Variants in NT5C1B observed in about 807,000 individuals in gnomAD.
NT5C1B encodes cytosolic 5'-nucleotidase 1B.
NT5C1B carries 44 observed loss-of-function variants against 57.8 expected under a neutral mutation model. The observed-to-expected ratio is 0.76, with a 90% CI of 0.60 to 0.98. NT5C1B has a LOEUF of 0.98. Among genes scored for constraint, NT5C1B ranks in the 50% least tolerant of loss-of-function variants. The pLI, the probability that NT5C1B is intolerant of heterozygous loss-of-function variation, is 0.00. For synonymous variants in NT5C1B, 284 were observed against 282.6 expected (o/e 1.00, Z -0.05); for missense variants, 742 against 719.5 (o/e 1.03, Z -0.36).
At position 18,584,911 on chromosome 2, in the gene NT5C1B, G is replaced by A. The variant is rs1399070348; in HGVS notation, c.326C>T (p.Pro109Leu). 1 of 1,553,366 alleles carries A rather than the reference G, an allele frequency of 6.4e-7. No homozygotes were observed. Among genetic ancestry groups the A allele is most frequent in the Non-Finnish European group, 8.6e-7 (1 of 1,156,190 alleles). Reference sequence around the variant, plus strand: ...GAGCGAGGGCTGCCCGGACAGCGGCGGCGGTGAGGAGTCATGCAGGCTTGG... The same window carrying A: ...GAGCGAGGGCTGCCCGGACAGCGGCAGCGGTGAGGAGTCATGCAGGCTTGG... The change falls in exon 4 of 9, where the codon CCG (proline) becomes CTG (leucine). Residue 109 changes from proline (P) to leucine (L), a missense_variant. By Grantham distance (98) the Pro-to-Leu change is moderately conservative. Coordinates refer to ENST00000304081, the Ensembl canonical transcript of NT5C1B. The surrounding 1 kb of genome is among the most constrained non-coding windows in gnomAD (Gnocchi z 5.8).
rs749864185 is a variant in NT5C1B at position 18,563,641 on chromosome 2, C to G, written c.*155G>C. 1.1e-3 allele frequency: 853 copies of G among 764,756 alleles called. 2 individuals carry two copies. The highest frequency in any genetic ancestry group is 1.5e-3 in the Non-Finnish European group (776 of 513,744). The allele number at this position is 764,756 out of a possible 1,614,324, so 47.4% of individuals were successfully genotyped here. ...GTAGTTTGATGGTAACTTGAGGGTT[C>G]AAAAGGTTTTCCAAAAAATCAGGAG... On this transcript the variant is annotated 3_prime_UTR_variant, in exon 9 of 9. Coordinates refer to ENST00000304081, the Ensembl canonical transcript of NT5C1B.
intron 8 of NT5C1B, among the ~76,000 whole-genome samples, chr2:18,573,459 C>T (rs1216555780): frequency 6.6e-6 from 1 of 152,006 alleles, no homozygotes; most frequent in Non-Finnish European, 1.5e-5. Context: ...CACACACACA[C>T]ACACAAACAT....
chr2:18,563,932 G>C, exon 9 of NT5C1B: 1 of 1,614,200 alleles, frequency 6.2e-7, no homozygotes, highest in Non-Finnish European at 8.5e-7. Context: ...GGGGGCTCCA[G>C]CAAGGAAAAG....
intron 6 of NT5C1B, among the ~76,000 whole-genome samples, chr2:18,577,110 T>C (rs137974681): frequency 2.2e-4 from 34 of 152,296 alleles, no homozygotes; most frequent in Non-Finnish European, 4.0e-4. Flanking sequence ...GTAATAGTGG[T>C]TGTATTTGGT....
chr2:18,571,799 C>T (rs1303753700), intron 8 of NT5C1B, among the ~76,000 whole-genome samples: 4 of 142,204 alleles, frequency 2.8e-5, no homozygotes, highest in Non-Finnish European at 6.1e-5. Flanking sequence ...ATTCACACCA[C>T]CTGGGCCTAA....
intron 8 of NT5C1B, among the ~76,000 whole-genome samples, chr2:18,570,594 A>G (rs1470345277): frequency 6.6e-6 from 1 of 152,124 alleles, no homozygotes; most frequent in Non-Finnish European, 1.5e-5. Context: ...TAATTGAATC[A>G]GTAGTTAAAA....
In NT5C1B at chr2:18,584,728, G is replaced by A. The variant is rs780357068; in HGVS notation, c.509C>T (p.Ser170Leu). Residue 170 changes from serine (S) to leucine (L), a missense_variant, in exon 4 of 9, where the codon TCG becomes TTG. By Grantham distance (145) the Ser-to-Leu change is moderately radical. Coordinates refer to ENST00000304081, the Ensembl canonical transcript of NT5C1B. This position sits in a 1 kb window ranked among gnomAD's most constrained non-coding sequence, Gnocchi z 5.8. Reference sequence around the variant, plus strand: ...CGTGCGCGAATATTCCAGCGGCTGCGAGTCCCGGGTCTGGCGGATTTCCCG... The same window carrying A: ...CGTGCGCGAATATTCCAGCGGCTGCAAGTCCCGGGTCTGGCGGATTTCCCG... 53 of 1,613,024 alleles carry A rather than the reference G, an allele frequency of 3.3e-5. No homozygotes were observed. The highest frequency in any genetic ancestry group is 4.3e-5 in the Non-Finnish European group (51 of 1,179,514).
At chr2:18,565,751 G>T (rs890403584) in intron 8 of NT5C1B, among the ~76,000 whole-genome samples, 1 of 151,864 alleles carries the variant, frequency 6.6e-6, no homozygotes, top group Non-Finnish European at 1.5e-5. Context: ...AAACATCTTT[G>T]ATAATTTAGC....
chr2:18,584,653 G>A lies in NT5C1B; in HGVS notation c.584C>T (p.Ala195Val), dbSNP rs1281370262. 3 of 1,613,190 alleles carry A rather than the reference G, an allele frequency of 1.9e-6. No homozygotes were observed. Among genetic ancestry groups the A allele is most frequent in the East Asian group, 2.2e-5 (1 of 44,828 alleles). ...AGAGTTGCGGTCCAGCTGGGTGGAG[G>A]CGGGGTAGATCCCCCTGCGCTGGCT... Residue 195 changes from alanine to valine, a missense_variant, in exon 4 of 9, where the codon GCC becomes GTC. Ala to Val is a moderately conservative substitution (Grantham distance 64). Coordinates refer to ENST00000304081, the Ensembl canonical transcript of NT5C1B. This position sits in a 1 kb window ranked among gnomAD's most constrained non-coding sequence, Gnocchi z 5.8.
chr2:18,584,892 G>T lies in NT5C1B; in HGVS notation c.345C>A (p.Pro115=). 6.3e-7 allele frequency: 1 copy of T among 1,576,618 alleles called. No homozygotes were observed. ...GGGGCGACGCGGGTGGCTGGAGCGA[G>T]GGCTGCCCGGACAGCGGCGGCGGTG... The change falls in exon 4 of 9, where the codon CCC becomes CCA. Residue 115 remains proline, a synonymous_variant. Coordinates refer to ENST00000304081, the Ensembl canonical transcript of NT5C1B. The surrounding 1 kb of genome is among the most constrained non-coding windows in gnomAD (Gnocchi z 5.8).
chr2:18,588,226 A>G (rs1666899805), intron 1 of NT5C1B, among the ~76,000 whole-genome samples: 1 of 152,230 alleles, frequency 6.6e-6, no homozygotes, highest in South Asian at 2.1e-4. Flanking sequence ...CACTTTATGG[A>G]ACTCTACTCA....
chr2:18,567,749 T>C (rs992038327), intron 8 of NT5C1B, among the ~76,000 whole-genome samples: 3 of 152,198 alleles, frequency 2.0e-5, no homozygotes, highest in African/African-American at 7.2e-5. Flanking sequence ...ATGAACAATC[T>C]ACTTTTAGGA....
chr2:18,576,766 C>T lies in NT5C1B; in HGVS notation c.1144+7G>A, dbSNP rs1409429265. On this transcript the variant is annotated splice_region_variant and intron_variant, in intron 7 of 8. Transcript: ENST00000304081. ...TATTAACTAGAGGAATAAAATCAGA[C>T]TAATACCTTCTTGTATTGCCTCTTG... is the stretch of plus-strand genomic sequence containing the variant. The T allele has an allele frequency of 1.9e-6, 3 of 1,613,304 alleles. No individual in the cohort carries two copies. Among genetic ancestry groups the T allele is most frequent in the Non-Finnish European group, 2.5e-6 (3 of 1,179,650 alleles).
At chr2:18,567,461 G>C (rs899218652) in intron 8 of NT5C1B, among the ~76,000 whole-genome samples, 1 of 152,180 alleles carries the variant, frequency 6.6e-6, no homozygotes, top group Non-Finnish European at 1.5e-5. Context: ...GAAGATAGAA[G>C]AAATAGCTGG....
At chr2:18,577,975 C>T (rs1665857318) in intron 6 of NT5C1B, among the ~76,000 whole-genome samples, 2 of 152,062 alleles carry the variant, frequency 1.3e-5, no homozygotes, top group Admixed American at 1.3e-4. Context: ...AAAAACCCCT[C>T]AGAGATTGTT....
rs146959327 is a variant in NT5C1B, at chr2:18,576,900, T to C, written c.1022-5A>G. On this transcript the variant is annotated splice_region_variant and splice_polypyrimidine_tract_variant and intron_variant, in intron 6 of 8. Coordinates refer to ENST00000304081, the Ensembl canonical transcript of NT5C1B. ...AGAAGCGGTCAATCAGTAAGCCTATTATCAGGCAAGAAAGACTTTGTTATG... is the reference window on the plus strand; with the variant it reads ...AGAAGCGGTCAATCAGTAAGCCTATCATCAGGCAAGAAAGACTTTGTTATG... The C allele has an allele frequency of 2.5e-3, 3,980 of 1,613,456 alleles. 90 individuals carry two copies. The African/African-American group carries it at 0.046, about 18-fold the overall frequency.
At chr2:18,582,925 T>C (rs967695819) in exon 6 of NT5C1B, 42 of 1,613,956 alleles carry the variant, frequency 2.6e-5, no homozygotes, top group Non-Finnish European at 2.5e-5. Context: ...TTATTAGTCA[T>C]CAGTACAATA....
chr2:18,584,450 A>C lies in NT5C1B; in HGVS notation c.723+64T>G. ...AGGACCTCCCTGCGCAGTGGAGAGG[A>C]GGGCGGCTGGAAGAGGCTGCAAGGA... On this transcript the variant is annotated intron_variant, in intron 4 of 8. Transcript: ENST00000304081. This position sits in a 1 kb window ranked among gnomAD's most constrained non-coding sequence, Gnocchi z 5.8. 1 of 1,564,844 alleles carries C rather than the reference A, an allele frequency of 6.4e-7. No homozygotes were observed. The highest frequency in any genetic ancestry group is 1.2e-5 in the South Asian group (1 of 85,786).
At chr2:18,576,130 T>C (rs1665647599) in intron 8 of NT5C1B, 54 bp downstream of exon 8, 1 of 1,484,624 alleles carries the variant, frequency 6.7e-7, no homozygotes, top group South Asian at 1.4e-5. Context: ...TTGATATTTA[T>C]ATATTAGAAA....
Sources: gnomAD v4.1 joint callset for allele counts (sites outside exome capture counted in the v4.1 genomes callset) on GRCh38, gnomAD v4.1.1 for gene constraint, Gnocchi (gnomAD v3.1) non-coding constraint, MANE v1.5 for transcripts, NCBI Gene and HGNC (gene_info 2026-07-23, HGNC 2026-07-21) for gene names.